DNAJC6: variants seen among roughly 807,000 people sequenced by gnomAD.
The protein encoded by DNAJC6 is auxilin.
In DNAJC6, 34 loss-of-function variants were observed where a neutral mutation model predicts 110.0. The observed-to-expected ratio is 0.31, with a 90% CI of 0.24 to 0.41. The LOEUF is 0.41. DNAJC6 is among the 10% of genes least tolerant of loss of function. DNAJC6 has a pLI of 1.00. For synonymous variants in DNAJC6, 406 were observed against 437.2 expected, an observed-to-expected ratio of 0.93 and a Z score of 0.89; for missense variants, 1,031 against 1,207.8, an observed-to-expected ratio of 0.85 and a Z score of 2.17.
chr1:65,409,257 A>C (rs1374708789), intron 17 of DNAJC6, among the ~76,000 whole-genome samples: 1 of 152,224 alleles, frequency 6.6e-6, no homozygotes, highest in Admixed American at 6.5e-5. Context: ...CACCTATAAA[A>C]GGCATGATAG....
At chr1:65,270,065 A>G (rs1653455853) in intron 1 of DNAJC6, among the ~76,000 whole-genome samples, 1 of 152,218 alleles carries the variant, frequency 6.6e-6, no homozygotes, top group South Asian at 2.1e-4. Context: ...AAGGAAGATT[A>G]TACTGAATTT....
At chr1:65,280,930 C>T (rs548519223) in intron 1 of DNAJC6, among the ~76,000 whole-genome samples, 10 of 152,100 alleles carry the variant, frequency 6.6e-5, no homozygotes, top group East Asian at 3.9e-4. Context: ...TTAAGTTTCA[C>T]GTTTCAAATT....
At chr1:65,275,987 C>G (rs1227235829) in intron 1 of DNAJC6, among the ~76,000 whole-genome samples, 1 of 150,374 alleles carries the variant, frequency 6.7e-6, no homozygotes, top group Non-Finnish European at 1.5e-5. Context: ...CTCCTGGGTT[C>G]AAGCGATCTT....
chr1:65,348,736 T>C (rs1257834140), intron 1 of DNAJC6, among the ~76,000 whole-genome samples: 1 of 151,452 alleles, frequency 6.6e-6, no homozygotes, highest in African/African-American at 2.4e-5. Flanking sequence ...TTAGTGATAG[T>C]ATCTGGCCTA....
intron 1 of DNAJC6, among the ~76,000 whole-genome samples, chr1:65,266,897 ATT>A (rs543244389): frequency 3.1e-4 from 44 of 141,576 alleles, no homozygotes; most frequent in African/African-American, 4.7e-4. Flanking sequence ...GGTATTTAGA[ATT>A]TTTTTTTTTT....
chr1:65,414,987 AT>A lies in DNAJC6; in HGVS notation c.*1963del, dbSNP rs1646158550. ...ACAGTTTAAAACATCATTAAACATT[AT>A]GTAATTACAATGAGAAAGAATCTTA... On this transcript the variant is annotated 3_prime_UTR_variant, in exon 19 of 19. Coordinates refer to ENST00000371069, the MANE Select transcript of DNAJC6 (RefSeq NM_001256864.2). The A allele has an allele frequency of 6.6e-6, 1 of 152,394 alleles. No homozygotes were observed. The highest frequency in any genetic ancestry group is 2.1e-4 in the South Asian group (1 of 4,830). 9.4% of individuals were successfully genotyped at this position (152,394 alleles called of 1,614,324 possible). A position where few individuals can be genotyped will look rare whatever the true frequency, so the allele number is the denominator to read the frequency against.
chr1:65,393,782 A>C (rs779150577), intron 12 of DNAJC6, among the ~76,000 whole-genome samples: 15 of 152,212 alleles, frequency 9.9e-5, no homozygotes, highest in Non-Finnish European at 1.9e-4. Flanking sequence ...GAAATGTCTC[A>C]ACTCTTCAGG....
intron 1 of DNAJC6, among the ~76,000 whole-genome samples, chr1:65,329,462 G>A (rs1645268345): frequency 6.6e-6 from 1 of 151,710 alleles, no homozygotes; most frequent in African/African-American, 2.4e-5. Flanking sequence ...AACATAACTT[G>A]AAGTATATTT....
At chr1:65,341,994 T>C (rs1645393657) in intron 1 of DNAJC6, among the ~76,000 whole-genome samples, 1 of 152,174 alleles carries the variant, frequency 6.6e-6, no homozygotes, top group Admixed American at 6.5e-5. Context: ...ATAGCAGTTT[T>C]CCACTCCTGG....
Position 65,285,682 on chromosome 1 carries a change from T to C in DNAJC6, c.-131+20750T>C, listed in dbSNP as rs116340362. On this transcript the variant is annotated intron_variant, in intron 1 of 19. Coordinates refer to the DNAJC6 transcript ENST00000263441. ...TGTATTTTAGGTTTTTTGTTTTGTT[T>C]TGTTTTTTGAGAAAGAGTCTCATTC... is the stretch of plus-strand genomic sequence containing the variant. Among the ~76,000 whole-genome samples the C allele has an allele frequency of 3.7e-3, 566 of 152,274 alleles. 2 individuals are homozygous for C. The highest frequency in any genetic ancestry group is 0.013 in the African/African-American group (544 of 41,550).
rs549715562 is a variant in DNAJC6 at position 65,386,493 on chromosome 1, A to G, written c.996-319A>G. Among the ~76,000 whole-genome samples the G allele has an allele frequency of 9.2e-5, 14 of 152,296 alleles. No homozygotes were observed. The East Asian group carries it at 2.5e-3, about 27-fold the overall frequency. ...TGTTCCCTTTATCTCTGCTTTTAGT[A>G]TTAATTTAAAGTTAAGAAAAGGCAA... On this transcript the variant is annotated intron_variant, in intron 7 of 18. Coordinates refer to ENST00000371069, the MANE Select transcript of DNAJC6 (RefSeq NM_001256864.2).
chr1:65,266,512 G>A (rs1653335603), intron 1 of DNAJC6, among the ~76,000 whole-genome samples: 1 of 152,166 alleles, frequency 6.6e-6, no homozygotes, highest in South Asian at 2.1e-4. Flanking sequence ...TAGTGGGGAA[G>A]AAAACAGCTA....
At chr1:65,330,066 G>C (rs570066724) in intron 1 of DNAJC6, among the ~76,000 whole-genome samples, 48 of 152,272 alleles carry the variant, frequency 3.2e-4, no homozygotes, top group Non-Finnish European at 6.3e-4. Flanking sequence ...TACTGCCCTT[G>C]AGTTACTTGA....
At chr1:65,375,069 T>C (rs571458740) in intron 4 of DNAJC6, among the ~76,000 whole-genome samples, 28 of 151,766 alleles carry the variant, frequency 1.8e-4, no homozygotes, top group Non-Finnish European at 3.8e-4. Context: ...ATTCAAGCAG[T>C]TCTCCTGCCT....
At chr1:65,364,933 A>G in intron 2 of DNAJC6, 148 bp downstream of exon 2, 1 of 1,165,054 alleles carries the variant, frequency 8.6e-7, no homozygotes, top group Non-Finnish European at 1.2e-6. Flanking sequence ...CATTGAAGAC[A>G]TAAAGTTAAG....
rs1645962201 is a variant in DNAJC6 at position 65,394,893 on chromosome 1, TCTAGGTGCCACCTTTGACCC to T, written c.1904-4_1919del. 3.2e-6 allele frequency: 5 copies of T among 1,580,950 alleles called. No individual in the cohort carries two copies. The highest frequency in any genetic ancestry group is 4.3e-6 in the Non-Finnish European group (5 of 1,168,842). On this transcript the variant is annotated splice_acceptor_variant and splice_polypyrimidine_tract_variant and coding_sequence_variant and intron_variant, in exon 13 of 19. Coordinates refer to ENST00000371069, the MANE Select transcript of DNAJC6 (RefSeq NM_001256864.2). LOFTEE classifies it high-confidence loss of function. Reference sequence around the variant, plus strand: ...AAATAAATATATTTTCCCATTGTTTTCTAGGTGCCACCTTTGACCCATTTGGAGCACCTTCTAAACCATCA... The same window carrying T: ...AAATAAATATATTTTCCCATTGTTTTATTTGGAGCACCTTCTAAACCATCA...
chr1:65,372,847 A>AT (rs1474537247), intron 4 of DNAJC6, among the ~76,000 whole-genome samples: 1 of 152,130 alleles, frequency 6.6e-6, no homozygotes, highest in African/African-American at 2.4e-5. Context: ...ACACTTGAAC[A>AT]TTTTTTTCTT....
chr1:65,374,318 A>C (rs1209275484), intron 4 of DNAJC6, among the ~76,000 whole-genome samples: 1 of 151,954 alleles, frequency 6.6e-6, no homozygotes, highest in Admixed American at 6.5e-5. Flanking sequence ...TCTGTGAAGA[A>C]TGTCATTGGC....
At chr1:65,313,676 C>T (rs1186124116) in intron 1 of DNAJC6, among the ~76,000 whole-genome samples, 5 of 152,128 alleles carry the variant, frequency 3.3e-5, no homozygotes, top group Admixed American at 3.3e-4. Context: ...TGATTTCCCC[C>T]CTGTTTTTAG....
Sources: allele counts gnomAD v4.1 joint callset (sites outside exome capture counted in the v4.1 genomes callset), GRCh38; gene constraint gnomAD v4.1.1; transcripts MANE v1.5; gene names NCBI Gene and HGNC (gene_info 2026-07-23, HGNC 2026-07-21).